EYA3: variants seen among roughly 807,000 people sequenced by gnomAD.
EYA3 encodes the protein protein phosphatase EYA3.
EYA3 carries 39 observed loss-of-function variants against 80.0 expected under a neutral mutation model. The ratio of observed to expected loss-of-function variants is 0.49; its 90% CI spans 0.38 to 0.64. The LOEUF (loss-of-function observed/expected upper bound fraction) is 0.64. Ranked by LOEUF, EYA3 falls within the 30% of genes least tolerant of loss-of-function variation. The probability of loss-of-function intolerance (pLI) is 0.00; values close to 1 mark genes in which losing one functional copy is unlikely to be tolerated. For synonymous variants in EYA3, 206 were observed against 232.8 expected (o/e 0.88, Z 1.05); for missense variants, 523 against 676.1 (o/e 0.77, Z 2.51).
At chr1:27,977,192 A>T (rs1029636834) in intron 17 of EYA3, 1 of 1,479,422 alleles carries the variant, frequency 6.8e-7, no homozygotes, top group African/African-American at 1.4e-5. Context: ...TCAAAGCTTC[A>T]TAACATATGT....
intron 1 of EYA3, among the ~76,000 whole-genome samples, chr1:28,079,541 G>A (rs1645346582): frequency 6.6e-6 from 1 of 152,196 alleles, no homozygotes; most frequent in African/African-American, 2.4e-5. Context: ...ACTTTGGACT[G>A]TTAGATGGAA....
intron 11 of EYA3, 100 bp downstream of exon 11, chr1:28,004,236 G>C (rs1362487145): frequency 2.5e-6 from 2 of 793,014 alleles, no homozygotes; most frequent in Non-Finnish European, 4.0e-6. Flanking sequence ...TGAAAAGCCA[G>C]CCAACAGGGG....
chr1:28,059,470 G>C (rs1571919150), intron 1 of EYA3, among the ~76,000 whole-genome samples: 1 of 152,266 alleles, frequency 6.6e-6, no homozygotes, highest in South Asian at 2.1e-4. Context: ...GTTTTGCTCA[G>C]CTTAGAACAA....
chr1:28,012,819 T>C lies in EYA3; in HGVS notation c.769+292A>G, dbSNP rs535813781. ...GTCCTCCAACTTTTACAAAATATTA[T>C]AACATGCTGAAGCTCCCTGTGGCAA... On this transcript the variant is annotated intron_variant, in intron 9 of 17. Transcript: ENST00000373871. Among the ~76,000 whole-genome samples, 218 of 152,300 alleles carry C rather than the reference T, an allele frequency of 1.4e-3. 1 individual carries two copies. The highest frequency in any genetic ancestry group is 4.8e-3 in the African/African-American group (201 of 41,564).
At chr1:28,042,120 T>A (rs1472611337) in intron 4 of EYA3, among the ~76,000 whole-genome samples, 1 of 152,192 alleles carries the variant, frequency 6.6e-6, no homozygotes, top group Non-Finnish European at 1.5e-5. Context: ...TACAAACAAG[T>A]ATTCTAGATG....
At chr1:28,031,122 G>A (rs527770638) in intron 6 of EYA3, among the ~76,000 whole-genome samples, 2 of 152,138 alleles carry the variant, frequency 1.3e-5, no homozygotes, top group African/African-American at 2.4e-5. Context: ...AAATAAGTAG[G>A]AGATAGCTAG....
intron 1 of EYA3, among the ~76,000 whole-genome samples, chr1:28,061,756 C>T (rs895884158): frequency 6.6e-6 from 1 of 152,120 alleles, no homozygotes; most frequent in Non-Finnish European, 1.5e-5. Context: ...CCCGCCACCA[C>T]GCCCGGCTAA....
At chr1:28,023,239 A>C (rs911718432) in intron 7 of EYA3, among the ~76,000 whole-genome samples, 46 of 152,318 alleles carry the variant, frequency 3.0e-4, no homozygotes, top group African/African-American at 1.1e-3. Context: ...AGGAGTCCAC[A>C]AAAAAATGAC....
chr1:28,004,066 A>G (rs1432982861), intron 11 of EYA3, among the ~76,000 whole-genome samples: 1 of 152,194 alleles, frequency 6.6e-6, no homozygotes, highest in Non-Finnish European at 1.5e-5. Flanking sequence ...TCATTTCTAT[A>G]CTTTAATCTT....
At chr1:28,056,022 A>T (rs1472128156) in intron 2 of EYA3, among the ~76,000 whole-genome samples, 1 of 151,676 alleles carries the variant, frequency 6.6e-6, no homozygotes. Context: ...AAAATGTGTC[A>T]TTACTCTTCC....
intron 3 of EYA3, among the ~76,000 whole-genome samples, chr1:28,044,293 A>G (rs1235523650): frequency 6.6e-6 from 1 of 152,220 alleles, no homozygotes; most frequent in Non-Finnish European, 1.5e-5. Flanking sequence ...AACTAGCCCT[A>G]TGACCTTGGA....
intron 7 of EYA3, among the ~76,000 whole-genome samples, chr1:28,023,352 T>C (rs1642575124): frequency 6.6e-6 from 1 of 152,154 alleles, no homozygotes; most frequent in Non-Finnish European, 1.5e-5. Context: ...CATGATTCCT[T>C]AACTGTGGGC....
At chr1:28,087,905 C>T (rs1645722825) in intron 1 of EYA3, among the ~76,000 whole-genome samples, 1 of 152,188 alleles carries the variant, frequency 6.6e-6, no homozygotes, top group Admixed American at 6.5e-5. Flanking sequence ...CAGTCTAACC[C>T]GGCGCCTTAA....
chr1:28,043,956 C>T (rs1326591688), intron 3 of EYA3, among the ~76,000 whole-genome samples: 1 of 152,196 alleles, frequency 6.6e-6, no homozygotes, highest in African/African-American at 2.4e-5. Flanking sequence ...TTAAATAAAA[C>T]ACAAACACCT....
intron 1 of EYA3, among the ~76,000 whole-genome samples, chr1:28,078,542 T>C (rs1645305485): frequency 6.6e-6 from 1 of 150,792 alleles, no homozygotes; most frequent in Admixed American, 6.6e-5. Flanking sequence ...TAACTATTTC[T>C]TTTTCTTCTT....
intron 1 of EYA3, among the ~76,000 whole-genome samples, chr1:28,078,493 C>T (rs1645302498): frequency 6.6e-6 from 1 of 152,168 alleles, no homozygotes; most frequent in South Asian, 2.1e-4. Flanking sequence ...TGGAATGCTT[C>T]TTATGGGTCA....
At chr1:27,995,513 G>GCCA (rs1640391096) in intron 13 of EYA3, among the ~76,000 whole-genome samples, 1 of 151,432 alleles carries the variant, frequency 6.6e-6, no homozygotes, top group Non-Finnish European at 1.5e-5. Context: ...GAGGTGGGTA[G>GCCA]ATTGCTTAAG....
intron 3 of EYA3, among the ~76,000 whole-genome samples, chr1:28,043,012 T>C (rs1481854075): frequency 6.6e-6 from 1 of 151,970 alleles, no homozygotes; most frequent in Non-Finnish European, 1.5e-5. Context: ...GCCCAGCTAA[T>C]TTTTGTATTT....
chr1:28,024,449 G>T (rs1439710802), intron 7 of EYA3, among the ~76,000 whole-genome samples: 1 of 152,012 alleles, frequency 6.6e-6, no homozygotes, highest in Non-Finnish European at 1.5e-5. Context: ...TTGAGGTCAG[G>T]AATTCGAGAC....
Sources: gnomAD v4.1 joint callset for allele counts (sites outside exome capture counted in the v4.1 genomes callset) on GRCh38, gnomAD v4.1.1 for gene constraint, MANE v1.5 for transcripts, NCBI Gene and HGNC (gene_info 2026-07-23, HGNC 2026-07-21) for gene names.